SLAMF1: variants seen among roughly 807,000 people sequenced by gnomAD.
SLAMF1 encodes the protein signaling lymphocytic activation molecule family member 1.
SLAMF1 carries 18 observed loss-of-function variants against 35.1 expected under a neutral mutation model. That is an observed-to-expected ratio of 0.51 (90% CI 0.35 to 0.76). SLAMF1 has a LOEUF of 0.76. Among genes scored for constraint, SLAMF1 ranks in the 30% least tolerant of loss-of-function variants. The pLI, the probability that SLAMF1 is intolerant of heterozygous loss-of-function variation, is 0.01. For synonymous variants in SLAMF1, 168 were observed against 157.2 expected (o/e 1.07, Z -0.51); for missense variants, 392 against 413.0 (o/e 0.95, Z 0.44).
intron 2 of SLAMF1, chr1:160,636,896 C>A: frequency 2.7e-6 from 1 of 369,570 alleles, no homozygotes; most frequent in Admixed American, 4.3e-5. Context: ...ACTTGCAAAC[C>A]AAGATCCTTG....
Position 160,619,844 on chromosome 1 carries a change from T to C in SLAMF1, c.796A>G (p.Thr266Ala), listed in dbSNP as rs1356000159. The C allele has an allele frequency of 5.6e-6, 9 of 1,608,962 alleles. No homozygotes were observed. Among genetic ancestry groups the C allele is most frequent in the Non-Finnish European group, 6.8e-6 (8 of 1,175,424 alleles). Residue 266 changes from threonine to alanine, a missense_variant, in exon 5 of 7, where the codon ACG (threonine) becomes GCG (alanine). Coordinates refer to ENST00000302035, the MANE Select transcript of SLAMF1 (RefSeq NM_003037.5). ...VILQLRRRGK[T>A]NHYQTTVEKK... Reference sequence around the variant, plus strand: ...TCCACTGTTGTCTGGTAATGGTTCGTTTTACCTGGTGAAAAGAAACCATAA... The same window carrying C: ...TCCACTGTTGTCTGGTAATGGTTCGCTTTACCTGGTGAAAAGAAACCATAA...
At chr1:160,633,502 C>T (rs947413972) in intron 3 of SLAMF1, among the ~76,000 whole-genome samples, 6 of 152,160 alleles carry the variant, frequency 3.9e-5, no homozygotes, top group Non-Finnish European at 7.4e-5. Flanking sequence ...CCATGACCAC[C>T]TGGGAAAGCC....
At chr1:160,636,112 G>A (rs1050898348) in intron 2 of SLAMF1, among the ~76,000 whole-genome samples, 1 of 152,186 alleles carries the variant, frequency 6.6e-6, no homozygotes, top group African/African-American at 2.4e-5. Context: ...ATCACAAGAT[G>A]TGACAAAAAC....
intron 3 of SLAMF1, among the ~76,000 whole-genome samples, chr1:160,630,294 A>C (rs1482706068): frequency 6.6e-6 from 1 of 152,176 alleles, no homozygotes. Flanking sequence ...ACATTAACAC[A>C]CTGAAATGGC....
chr1:160,630,521 A>G (rs1178437900), intron 3 of SLAMF1, among the ~76,000 whole-genome samples: 1 of 152,198 alleles, frequency 6.6e-6, no homozygotes, highest in Admixed American at 6.5e-5. Flanking sequence ...CTGATGACAG[A>G]TGGCAAAGCA....
At chr1:160,634,391 C>T (rs921018047) in intron 3 of SLAMF1, 2 of 984,684 alleles carry the variant, frequency 2.0e-6, no homozygotes, top group Admixed American at 1.2e-4. Flanking sequence ...GTCTCTATCA[C>T]CTCCTGTTGG....
chr1:160,627,370 A>G (rs1043640354), intron 3 of SLAMF1, among the ~76,000 whole-genome samples: 1 of 152,238 alleles, frequency 6.6e-6, no homozygotes, highest in African/African-American at 2.4e-5. Context: ...CTACTTTAAC[A>G]GCTCTCTTAG....
intron 3 of SLAMF1, among the ~76,000 whole-genome samples, chr1:160,628,198 CT>C (rs1246870327): frequency 1.3e-5 from 2 of 152,056 alleles, no homozygotes; most frequent in Admixed American, 6.5e-5. Context: ...ACCAAAAAAA[CT>C]TTTTTTTAAA....
At chr1:160,646,244 G>A (rs942984322) in intron 1 of SLAMF1, among the ~76,000 whole-genome samples, 5 of 152,132 alleles carry the variant, frequency 3.3e-5, no homozygotes, top group African/African-American at 1.2e-4. Flanking sequence ...ACTGTAACCA[G>A]CCCTAGCCTT....
In SLAMF1 at chr1:160,609,569, A is replaced by T. The variant is rs1658871336; in HGVS notation, c.*1179T>A. On this transcript the variant is annotated 3_prime_UTR_variant, in exon 7 of 7. Transcript: ENST00000302035. ...AGTACTTACCAAGTTTATATAAGAA[A>T]CAATAAGAAAAAGCAGGGCTTAAAT... 6.6e-6 allele frequency: 1 copy of T among 152,242 alleles called. No homozygotes were observed. The highest frequency in any genetic ancestry group is 1.5e-5 in the Non-Finnish European group (1 of 68,040). 9.4% of individuals were successfully genotyped at this position (152,242 alleles called of 1,614,324 possible). A position where few individuals can be genotyped will look rare whatever the true frequency, so the allele number is the denominator to read the frequency against.
intron 2 of SLAMF1, among the ~76,000 whole-genome samples, chr1:160,635,478 A>G (rs190383036): frequency 2.0e-5 from 3 of 152,338 alleles, no homozygotes; most frequent in Admixed American, 2.0e-4. Flanking sequence ...ATCCCACTCT[A>G]AGGCCATGAA....
At chr1:160,646,793 T>G in intron 1 of SLAMF1, 77 bp downstream of exon 1, 1 of 807,414 alleles carries the variant, frequency 1.2e-6, no homozygotes, top group Admixed American at 2.0e-5. Context: ...GCCCTGCACC[T>G]TCTCTCCATC....
chr1:160,621,728 A>G (rs1349137135), intron 4 of SLAMF1, among the ~76,000 whole-genome samples: 3 of 151,960 alleles, frequency 2.0e-5, no homozygotes, highest in Non-Finnish European at 4.4e-5. Flanking sequence ...ACACTGATGA[A>G]GTTCCAGGAA....
In SLAMF1 at chr1:160,610,708, T is replaced by C; in HGVS notation, c.*40A>G. On this transcript the variant is annotated 3_prime_UTR_variant, in exon 7 of 7. Coordinates refer to ENST00000302035, the MANE Select transcript of SLAMF1 (RefSeq NM_003037.5). ...CAAGTTCAGTGTTCATTTTGGTTTT[T>C]CCATTTTCCTTCAGAAAGTCCCTTT... 1 of 1,556,218 alleles carries C rather than the reference T, an allele frequency of 6.4e-7. No homozygotes were observed. The highest frequency in any genetic ancestry group is 1.7e-4 in the Middle Eastern group (1 of 5,922).
At chr1:160,637,059 T>C (rs1171134181) in intron 2 of SLAMF1, 132 bp downstream of exon 2, 14 of 650,932 alleles carry the variant, frequency 2.2e-5, no homozygotes, top group Non-Finnish European at 3.8e-5. Flanking sequence ...CAGGTTTAAA[T>C]ACCCCCAAAC....
chr1:160,640,189 A>G (rs1204827638), intron 1 of SLAMF1, among the ~76,000 whole-genome samples: 1 of 151,648 alleles, frequency 6.6e-6, no homozygotes, highest in African/African-American at 2.4e-5. Context: ...TTTGTTCACT[A>G]TTTTGACCCC....
chr1:160,621,118 C>A (rs940459987), intron 4 of SLAMF1, among the ~76,000 whole-genome samples: 4 of 152,142 alleles, frequency 2.6e-5, no homozygotes, highest in Non-Finnish European at 5.9e-5. Context: ...ATACATCATG[C>A]AGCAGTAAGG....
chr1:160,641,843 A>G (rs371031813), intron 1 of SLAMF1, among the ~76,000 whole-genome samples: 1 of 152,152 alleles, frequency 6.6e-6, no homozygotes, highest in African/African-American at 2.4e-5. Context: ...TTATTTACTA[A>G]AAGAGTCTGG....
At chr1:160,635,004 C>G (rs1054036463) in intron 2 of SLAMF1, 107 bp from the exon 3 acceptor site, 3 of 947,066 alleles carry the variant, frequency 3.2e-6, no homozygotes, top group South Asian at 1.7e-5. Flanking sequence ...TTTCCCTCCC[C>G]CTCAATGTGA....
Sources: gnomAD v4.1 joint callset for allele counts (sites outside exome capture counted in the v4.1 genomes callset) on GRCh38, gnomAD v4.1.1 for gene constraint, MANE v1.5 for transcripts, NCBI Gene and HGNC (gene_info 2026-07-23, HGNC 2026-07-21) for gene names.